PTK2B: variants seen among roughly 807,000 people sequenced by gnomAD.
PTK2B encodes the protein protein-tyrosine kinase 2-beta.
In PTK2B, 71 loss-of-function variants were observed where a neutral mutation model predicts 142.9. The observed-to-expected ratio is 0.50, with a 90% CI of 0.41 to 0.61. The LOEUF (loss-of-function observed/expected upper bound fraction) is 0.61. PTK2B is among the 20% of genes least tolerant of loss of function. PTK2B has a pLI of 0.00. For synonymous variants in PTK2B, 519 were observed against 503.4 expected, an observed-to-expected ratio of 1.03 and a Z score of -0.42; for missense variants, 1,105 against 1,320.4, an observed-to-expected ratio of 0.84 and a Z score of 2.53.
chr8:27,437,908 A>G, intron 18 of PTK2B, 28 bp downstream of exon 18: 3 of 1,571,216 alleles, frequency 1.9e-6, no homozygotes, highest in South Asian at 1.2e-5. Context: ...GGCCAGCGGT[A>G]TGGAAGCCAG....
At chr8:27,348,686 G>GGCTTCTA (rs1185220029) in intron 1 of PTK2B, among the ~76,000 whole-genome samples, 1 of 152,146 alleles carries the variant, frequency 6.6e-6, no homozygotes, top group African/African-American at 2.4e-5. Flanking sequence ...ATTGGTTGTT[G>GGCTTCTA]CTTGGCTTCT....
At chr8:27,430,534 C>A in intron 7 of PTK2B, 116 bp downstream of exon 7, 2 of 1,345,520 alleles carry the variant, frequency 1.5e-6, no homozygotes, top group Non-Finnish European at 1.1e-6. Context: ...CGGCCTCGGG[C>A]ATTTGGACAC....
intron 8 of PTK2B, 163 bp downstream of exon 8, chr8:27,431,179 C>T: frequency 6.8e-7 from 1 of 1,466,874 alleles, no homozygotes; most frequent in Non-Finnish European, 9.2e-7. Context: ...CATCCCCTTG[C>T]CTGAAGCAGG....
intron 1 of PTK2B, 85 bp from the exon 2 acceptor site, chr8:27,397,463 G>T: frequency 7.8e-6 from 8 of 1,026,484 alleles, no homozygotes; most frequent in Admixed American, 4.0e-5. Flanking sequence ...CTGTCTTGGA[G>T]CTCGGTGGGT....
exon 1 of PTK2B, chr8:27,311,530 C>G (rs771911519): frequency 6.6e-5 from 31 of 468,890 alleles, no homozygotes; most frequent in Non-Finnish European, 9.4e-5. Flanking sequence ...CGGGGTAGCA[C>G]GGAAGGGTCT....
chr8:27,361,631 T>G (rs1173664409), intron 1 of PTK2B, among the ~76,000 whole-genome samples: 2 of 152,132 alleles, frequency 1.3e-5, no homozygotes, highest in African/African-American at 4.8e-5. Flanking sequence ...AGGGGGCTTA[T>G]GGGCTCCAGG....
chr8:27,439,710 G>A (rs557486872), intron 20 of PTK2B, among the ~76,000 whole-genome samples: 2 of 152,156 alleles, frequency 1.3e-5, no homozygotes, highest in South Asian at 4.1e-4. Context: ...GAGAGGTACA[G>A]GAAGGAGAGA....
chr8:27,434,174 C>T (rs200463254), intron 12 of PTK2B, 42 bp downstream of exon 12: 86 of 1,600,910 alleles, frequency 5.4e-5, no homozygotes, highest in Non-Finnish European at 6.6e-5. Context: ...CTGAGCTCAG[C>T]CTGTGCTGCT....
chr8:27,454,030 TA>T, intron 28 of PTK2B, 123 bp from the exon 29 acceptor site: 1 of 1,359,854 alleles, frequency 7.4e-7, no homozygotes, highest in Non-Finnish European at 1.0e-6. Context: ...ACAATTATTC[TA>T]AAGAAGAGTC....
chr8:27,377,458 A>C (rs1806741473), intron 1 of PTK2B, among the ~76,000 whole-genome samples: 1 of 152,236 alleles, frequency 6.6e-6, no homozygotes, highest in African/African-American at 2.4e-5. Context: ...GCCATGACAG[A>C]GCTCCAGAAA....
chr8:27,315,466 T>G (rs1803072882), intron 3 of PTK2B, among the ~76,000 whole-genome samples: 1 of 152,026 alleles, frequency 6.6e-6, no homozygotes, highest in African/African-American at 2.4e-5. Context: ...AACGCTACAC[T>G]CCAGATAGCC....
At chr8:27,356,613 G>A (rs1805405490) in intron 1 of PTK2B, among the ~76,000 whole-genome samples, 1 of 152,224 alleles carries the variant, frequency 6.6e-6, no homozygotes, top group African/African-American at 2.4e-5. Context: ...GCAGCCTGAA[G>A]CAGGACTAGC....
chr8:27,437,920 C>A, intron 18 of PTK2B, 40 bp downstream of exon 18: 1 of 1,525,380 alleles, frequency 6.6e-7, no homozygotes, highest in South Asian at 1.2e-5. Flanking sequence ...GGAAGCCAGG[C>A]CTTCACCAGA....
chr8:27,353,560 A>AACAC (rs10640386), intron 1 of PTK2B, among the ~76,000 whole-genome samples: 24 of 151,714 alleles, frequency 1.6e-4, no homozygotes, highest in Non-Finnish European at 2.7e-4. Flanking sequence ...CTCTCTCTCT[A>AACAC]ACACACACAC....
chr8:27,414,702 TGA>T (rs1809290155), intron 2 of PTK2B, among the ~76,000 whole-genome samples: 1 of 148,844 alleles, frequency 6.7e-6, no homozygotes, highest in Non-Finnish European at 1.5e-5. Context: ...TCAAAAATGA[TGA>T]GATAGGTTGG....
chr8:27,338,698 T>C (rs920929863), intron 1 of PTK2B, among the ~76,000 whole-genome samples: 2 of 152,238 alleles, frequency 1.3e-5, no homozygotes, highest in African/African-American at 4.8e-5. Context: ...CCAAACAGTA[T>C]ATTGTTGTTC....
intron 2 of PTK2B, among the ~76,000 whole-genome samples, chr8:27,418,529 T>G (rs1349458895): frequency 6.6e-6 from 1 of 152,222 alleles, no homozygotes; most frequent in Non-Finnish European, 1.5e-5. Context: ...GCCCCTCCTC[T>G]TTTTGGTTTG....
intron 27 of PTK2B, chr8:27,452,201 T>G (rs1398164348): frequency 6.6e-6 from 1 of 152,296 alleles, no homozygotes; most frequent in East Asian, 1.9e-4. Context: ...GAGCTCACCC[T>G]CTTATCTTAC....
intron 5 of PTK2B, among the ~76,000 whole-genome samples, chr8:27,425,815 A>G (rs1334020183): frequency 6.6e-6 from 1 of 152,144 alleles, no homozygotes; most frequent in Non-Finnish European, 1.5e-5. Flanking sequence ...ACCATTGATC[A>G]CTTTATTGTT....
Sources: allele counts gnomAD v4.1 joint callset (sites outside exome capture counted in the v4.1 genomes callset), GRCh38; gene constraint gnomAD v4.1.1; transcripts MANE v1.5; gene names NCBI Gene and HGNC (gene_info 2026-07-23, HGNC 2026-07-21).